Variants in CELF2 observed in about 807,000 individuals in gnomAD.
CELF2 encodes CUG triplet repeat RNA-binding protein 2.
CELF2 carries 8 observed loss-of-function variants against 62.6 expected under a neutral mutation model. That is an observed-to-expected ratio of 0.13 (90% CI 0.07 to 0.23). The LOEUF is 0.23. CELF2 is among the 10% of genes least tolerant of loss of function. The probability of loss-of-function intolerance (pLI) is 1.00; values close to 1 mark genes in which losing one functional copy is unlikely to be tolerated. For synonymous variants in CELF2, 258 were observed against 250.0 expected (o/e 1.03, Z -0.30); for missense variants, 333 against 671.0 (o/e 0.50, Z 5.56).
intron 2 of CELF2, among the ~76,000 whole-genome samples, chr10:11,171,908 G>C (rs1413104594): frequency 6.6e-6 from 1 of 152,278 alleles, no homozygotes; most frequent in East Asian, 1.9e-4. Context: ...GACTGGAGTG[G>C]GGAGGGTCAT....
chr10:10,944,275 T>C (rs917708674), intron 2 of CELF2: 6 of 152,674 alleles, frequency 3.9e-5, no homozygotes, highest in East Asian at 1.9e-4. Flanking sequence ...TTGAAACACT[T>C]TTCTCCTTGG....
intron 2 of CELF2, among the ~76,000 whole-genome samples, chr10:10,962,790 G>A (rs930570118): frequency 6.6e-6 from 1 of 152,064 alleles, no homozygotes; most frequent in African/African-American, 2.4e-5. Flanking sequence ...GAGGTGACAG[G>A]GAAAAACTAG....
intron 12 of CELF2, among the ~76,000 whole-genome samples, chr10:11,327,696 G>A (rs1476924375): frequency 6.6e-6 from 1 of 152,194 alleles, no homozygotes; most frequent in Non-Finnish European, 1.5e-5. Context: ...CACATTTATT[G>A]GGAATGAGAC....
chr10:11,057,738 TACAGGAGTC>T, intron 1 of CELF2, among the ~76,000 whole-genome samples: 1 of 152,328 alleles, frequency 6.6e-6, no homozygotes, highest in East Asian at 1.9e-4. Context: ...ACTTCGGGAA[TACAGGAGTC>T]ACAAAATGTT....
intron 1 of CELF2, among the ~76,000 whole-genome samples, chr10:11,148,124 C>T (rs2062620451): frequency 6.6e-6 from 1 of 152,206 alleles, no homozygotes; most frequent in South Asian, 2.1e-4. Flanking sequence ...GGAAGGGGCT[C>T]CTCTGTTTTT....
chr10:10,525,033 A>G, the CELF2 span, among the ~76,000 whole-genome samples: 1 of 152,176 alleles, frequency 6.6e-6, no homozygotes, highest in Non-Finnish European at 1.5e-5. Context: ...TATTGTATGT[A>G]CTTATGGGAT....
chr10:10,568,797 T>C, the CELF2 span, among the ~76,000 whole-genome samples: 1 of 152,092 alleles, frequency 6.6e-6, no homozygotes, highest in Non-Finnish European at 1.5e-5. Flanking sequence ...GGTTTTGAAG[T>C]TCTCAATTTG....
At chr10:10,474,935 G>A in the CELF2 span, among the ~76,000 whole-genome samples, 1 of 152,024 alleles carries the variant, frequency 6.6e-6, no homozygotes, top group Admixed American at 6.6e-5. Context: ...AGATCTGAAG[G>A]GTTCACTGGT....
chr10:11,131,937 CTTGGAGTGATATT>C (rs2059690765), intron 1 of CELF2, among the ~76,000 whole-genome samples: 1 of 152,174 alleles, frequency 6.6e-6, no homozygotes, highest in Non-Finnish European at 1.5e-5. Flanking sequence ...TCATAGCAGT[CTTGGAGTGATATT>C]TTGGGTGGAT....
At position 11,178,809 on chromosome 10, in the gene CELF2, G is replaced by A. The variant is rs2133942779; in HGVS notation, c.271+13127G>A. 6.6e-6 allele frequency among the ~76,000 whole-genome samples: 1 copy of A among 152,342 alleles called. No homozygotes were observed. The highest frequency in any genetic ancestry group is 1.9e-4 in the East Asian group (1 of 5,192). On this transcript the variant is annotated intron_variant, in intron 2 of 12. Transcript: ENST00000633077. This position sits in a 1 kb window ranked among gnomAD's most constrained non-coding sequence, Gnocchi z 4.3. ...GCTTTCTCCCCCTGCATTAGCCGCAGAGCTGAGTGAGTCTATGAAAACCCA... is the reference window on the plus strand; with the variant it reads ...GCTTTCTCCCCCTGCATTAGCCGCAAAGCTGAGTGAGTCTATGAAAACCCA...
chr10:10,788,893 GC>G, the CELF2 span: 4 of 152,124 alleles, frequency 2.6e-5, no homozygotes, highest in Non-Finnish European at 5.9e-5. Context: ...CTGGGTTAGG[GC>G]CCCTATCTTC....
chr10:11,285,879 T>TTGTG lies in CELF2; in HGVS notation c.842-2538_842-2537insGTGT, dbSNP rs2091150370. Among the ~76,000 whole-genome samples the TTGTG allele has an allele frequency of 9.3e-6, 1 of 108,006 alleles. No homozygotes were observed. Among genetic ancestry groups the TTGTG allele is most frequent in the African/African-American group, 5.1e-5 (1 of 19,538 alleles). 70.9% of individuals were successfully genotyped at this position (108,006 alleles called of 152,430 possible). ...TGTGTGTGTGTGTGTGTGTGTGTGT[T>TTGTG]TTTACATGGACTTGAAAATGAGTAA... On this transcript the variant is annotated intron_variant, in intron 8 of 12. Transcript: ENST00000633077. The surrounding 1 kb of genome is among the most constrained non-coding windows in gnomAD (Gnocchi z 4.3).
chr10:10,896,260 G>A (rs2062546578), intron 1 of CELF2, among the ~76,000 whole-genome samples: 1 of 152,142 alleles, frequency 6.6e-6, no homozygotes, highest in Non-Finnish European at 1.5e-5. Context: ...ACAGCACATA[G>A]AAGGGTCTTG....
the CELF2 span, among the ~76,000 whole-genome samples, chr10:10,479,021 A>G: frequency 6.6e-6 from 1 of 152,178 alleles, no homozygotes; most frequent in Middle Eastern, 3.2e-3. Context: ...TCTGACTGAC[A>G]GGTCGCTTGT....
the CELF2 span, among the ~76,000 whole-genome samples, chr10:10,650,056 A>G: frequency 6.6e-6 from 1 of 152,222 alleles, no homozygotes; most frequent in Admixed American, 6.5e-5. Context: ...CATTGCAACC[A>G]TCAGGAAACG....
chr10:11,235,217 T>A (rs2070739952), intron 3 of CELF2, among the ~76,000 whole-genome samples: 1 of 152,340 alleles, frequency 6.6e-6, no homozygotes, highest in African/African-American at 2.4e-5. Flanking sequence ...CATTAAATGC[T>A]ACATTTCCAC....
At chr10:11,103,696 G>A (rs1030534228) in intron 1 of CELF2, among the ~76,000 whole-genome samples, 2 of 151,908 alleles carry the variant, frequency 1.3e-5, no homozygotes, top group Admixed American at 1.3e-4. Context: ...TTGCAGGGGT[G>A]GTATTGGTTA....
intron 1 of CELF2, among the ~76,000 whole-genome samples, chr10:11,067,883 A>C (rs1386365210): frequency 6.6e-6 from 1 of 152,220 alleles, no homozygotes; most frequent in Non-Finnish European, 1.5e-5. Flanking sequence ...TTCAGTTGGC[A>C]AGATTTTGAG....
At chr10:10,764,264 T>C in the CELF2 span, among the ~76,000 whole-genome samples, 1 of 152,248 alleles carries the variant, frequency 6.6e-6, no homozygotes, top group Non-Finnish European at 1.5e-5. Flanking sequence ...TTTAAAAATT[T>C]CCAATCAAAG....
Sources: gnomAD v4.1 joint callset for allele counts (sites outside exome capture counted in the v4.1 genomes callset) on GRCh38, gnomAD v4.1.1 for gene constraint, Gnocchi (gnomAD v3.1) non-coding constraint, MANE v1.5 for transcripts, NCBI Gene and HGNC (gene_info 2026-07-23, HGNC 2026-07-21) for gene names.